Variants in NCOR2 observed in about 807,000 individuals in gnomAD.
NCOR2 encodes nuclear receptor corepressor 2.
In NCOR2, 81 loss-of-function variants were observed where a neutral mutation model predicts 262.9. The ratio of observed to expected loss-of-function variants is 0.31; its 90% CI spans 0.26 to 0.37. The LOEUF (loss-of-function observed/expected upper bound fraction) is 0.37. NCOR2 is among the 10% of genes least tolerant of loss of function. NCOR2 has a pLI of 1.00. For synonymous variants in NCOR2, 1,659 were observed against 1,559.3 expected (o/e 1.06, Z -1.51); for missense variants, 3,385 against 3,621.4 (o/e 0.93, Z 1.68).
exon 45 of NCOR2, chr12:124,327,486 T>C (rs574110280): frequency 1.2e-6 from 2 of 1,613,492 alleles, no homozygotes; most frequent in Admixed American, 1.7e-5. Flanking sequence ...GGCACTGGCA[T>C]TCAGAGGGTT....
At chr12:124,455,952 C>T (rs960597386) in intron 6 of NCOR2, among the ~76,000 whole-genome samples, 12 of 152,168 alleles carry the variant, frequency 7.9e-5, no homozygotes, top group East Asian at 1.9e-4. Flanking sequence ...CATAGCTCAC[C>T]GCAGCCTTGA....
intron 17 of NCOR2, among the ~76,000 whole-genome samples, chr12:124,380,852 G>T (rs1245165965): frequency 6.6e-6 from 1 of 152,102 alleles, no homozygotes; most frequent in Non-Finnish European, 1.5e-5. Context: ...CCACAAAGCT[G>T]GGTCTCAGAG....
chr12:124,551,894 G>A (rs1235726901), intron 1 of NCOR2, among the ~76,000 whole-genome samples: 3 of 152,248 alleles, frequency 2.0e-5, no homozygotes, highest in African/African-American at 7.2e-5. Context: ...GGCTCCAAGA[G>A]CCCACATGGG....
At chr12:124,371,936 G>T in intron 20 of NCOR2, 86 bp downstream of exon 22, 1 of 1,357,052 alleles carries the variant, frequency 7.4e-7, no homozygotes, top group Non-Finnish European at 9.8e-7. Context: ...GGCAGAGCCA[G>T]ACTGGGTGCG....
intron 13 of NCOR2, among the ~76,000 whole-genome samples, chr12:124,413,369 T>C (rs1333942295): frequency 6.6e-6 from 1 of 152,206 alleles, no homozygotes; most frequent in African/African-American, 2.4e-5. Context: ...AAGGTCGGAT[T>C]CGCATCTGAA....
At chr12:124,422,679 A>T in intron 11 of NCOR2, 124 bp from the exon 14 acceptor site, 1 of 1,096,136 alleles carries the variant, frequency 9.1e-7, no homozygotes, top group Non-Finnish European at 1.3e-6. Flanking sequence ...CCCCACTTGG[A>T]GCAATTAAGC....
At chr12:124,502,986 C>G (rs965072015) in intron 1 of NCOR2, among the ~76,000 whole-genome samples, 1 of 152,208 alleles carries the variant, frequency 6.6e-6, no homozygotes, top group Non-Finnish European at 1.5e-5. Context: ...GGTCATTCCA[C>G]TCCCTAAGGA....
chr12:124,406,775 C>T lies in NCOR2; in HGVS notation c.1483-4214G>A, dbSNP rs188933632. ...CCAAAGCCCCAAGAGACACCTGCCCCCAGATCTGGACACTGAACCCATAAC... is the reference window on the plus strand; with the variant it reads ...CCAAAGCCCCAAGAGACACCTGCCCTCAGATCTGGACACTGAACCCATAAC... On this transcript the variant is annotated intron_variant, in intron 13 of 46. Coordinates refer to ENST00000405201, the Ensembl canonical transcript of NCOR2. Among the ~76,000 whole-genome samples, 146 of 152,312 alleles carry T rather than the reference C, an allele frequency of 9.6e-4. No homozygotes were observed. The Middle Eastern group carries it at 0.048, about 50-fold the overall frequency.
chr12:124,390,091 G>A (rs542975997), intron 16 of NCOR2, among the ~76,000 whole-genome samples: 2 of 152,206 alleles, frequency 1.3e-5, no homozygotes, highest in African/African-American at 4.8e-5. Flanking sequence ...CACGATGCCA[G>A]GGGAGGGCAA....
intron 13 of NCOR2, among the ~76,000 whole-genome samples, chr12:124,407,803 A>G (rs2042356979): frequency 6.6e-6 from 1 of 152,254 alleles, no homozygotes; most frequent in African/African-American, 2.4e-5. Context: ...ACCATGTGCC[A>G]GGTGCCCCTG....
At chr12:124,388,125 G>T (rs1049810207) in intron 16 of NCOR2, among the ~76,000 whole-genome samples, 8 of 152,120 alleles carry the variant, frequency 5.3e-5, no homozygotes, top group African/African-American at 1.9e-4. Flanking sequence ...GAAAACATAC[G>T]GCTCCCAAAG....
rs373295499 is a variant in NCOR2 at position 124,350,656 on chromosome 12, G to A, written c.3775C>T (p.Arg1259Trp). 53 of 1,613,718 alleles carry A rather than the reference G, an allele frequency of 3.3e-5. No homozygotes were observed. Among genetic ancestry groups the A allele is most frequent in the African/African-American group, 3.2e-4 (24 of 74,902 alleles). ...TGGCCCTTGGGCAGGCTGTCCTCCC[G>A]GCCGCGGTCCAAGCGACTCGGGCTG... is the stretch of plus-strand genomic sequence containing the variant. The change falls in exon 28 of 47, where the codon CGG (arginine) becomes TGG (tryptophan). Residue 1259 changes from arginine (R) to tryptophan (W), a missense_variant. Arg to Trp is a moderately radical substitution (Grantham distance 101, BLOSUM62 -3). Coordinates refer to ENST00000405201, the Ensembl canonical transcript of NCOR2.
At chr12:124,429,251 C>T (rs2043777958) in intron 10 of NCOR2, 2 of 269,878 alleles carry the variant, frequency 7.4e-6, no homozygotes, top group Non-Finnish European at 1.4e-5. Flanking sequence ...GCCCCTTGGG[C>T]TTCTGGCTGG....
At chr12:124,448,135 A>G (rs1421948252) in intron 7 of NCOR2, among the ~76,000 whole-genome samples, 3 of 152,208 alleles carry the variant, frequency 2.0e-5, no homozygotes, top group Non-Finnish European at 2.9e-5. Context: ...GCAGGCTCTC[A>G]ATAAAGATGG....
intron 14 of NCOR2, among the ~76,000 whole-genome samples, chr12:124,401,879 G>A (rs1437477175): frequency 6.6e-6 from 1 of 152,216 alleles, no homozygotes. Flanking sequence ...CCAGCTGGCT[G>A]CACTCCTGCA....
chr12:124,342,800 C>T (rs1199352268), intron 33 of NCOR2, among the ~76,000 whole-genome samples: 1 of 152,200 alleles, frequency 6.6e-6, no homozygotes, highest in Non-Finnish European at 1.5e-5. Flanking sequence ...TGTTTAACCC[C>T]ACATGTCCTG....
At chr12:124,396,754 G>A (rs2041691943) in intron 16 of NCOR2, among the ~76,000 whole-genome samples, 1 of 152,114 alleles carries the variant, frequency 6.6e-6, no homozygotes, top group East Asian at 1.9e-4. Context: ...GGCTGTGGGG[G>A]TCTTCTCAGG....
At chr12:124,551,397 C>T (rs1282311443) in intron 1 of NCOR2, among the ~76,000 whole-genome samples, 1 of 152,242 alleles carries the variant, frequency 6.6e-6, no homozygotes. Flanking sequence ...GGCAGGTTCC[C>T]AGGCCGTGCA....
chr12:124,518,339 G>A (rs1346354912), intron 1 of NCOR2: 5 of 152,534 alleles, frequency 3.3e-5, no homozygotes, highest in African/African-American at 9.6e-5. Flanking sequence ...GACACCCGCA[G>A]AGGGGCGGCC....
Sources: allele counts gnomAD v4.1 joint callset (sites outside exome capture counted in the v4.1 genomes callset), GRCh38; gene constraint gnomAD v4.1.1; transcripts MANE v1.5; gene names NCBI Gene and HGNC (gene_info 2026-07-23, HGNC 2026-07-21).